Variants in RAP1GAP2 observed in about 807,000 individuals in gnomAD.
RAP1GAP2 encodes the protein RAP1 GTPase activating protein 2.
Under a neutral mutation model 95.0 loss-of-function variants are expected in RAP1GAP2, and 27 were observed. The ratio of observed to expected loss-of-function variants is 0.28; its 90% CI spans 0.21 to 0.39. RAP1GAP2 has a LOEUF of 0.39. RAP1GAP2 is among the 10% of genes least tolerant of loss of function. RAP1GAP2 has a pLI of 1.00. For synonymous variants in RAP1GAP2, 373 were observed against 380.9 expected (o/e 0.98, Z 0.24); for missense variants, 771 against 970.0 (o/e 0.79, Z 2.72).
In RAP1GAP2 at chr17:3,030,997, C is replaced by A; in HGVS notation, c.2183C>A (p.Ala728Glu). ...FDKLSHASSG[A>E]GH Reference sequence around the variant, plus strand: ...AAGCTCAGCCATGCCAGCTCTGGTGCGGTAAGGATGCGCCTCCCACACCCC... The same window carrying A: ...AAGCTCAGCCATGCCAGCTCTGGTGAGGTAAGGATGCGCCTCCCACACCCC... Residue 728 changes from alanine (A) to glutamate (E), a missense_variant and splice_region_variant, in exon 23 of 25, where the codon GCG becomes GAG. Coordinates refer to ENST00000254695, the MANE Select transcript of RAP1GAP2 (RefSeq NM_015085.5). The A allele has an allele frequency of 6.2e-7, 1 of 1,602,422 alleles. No homozygotes were observed. The highest frequency in any genetic ancestry group is 8.5e-7 in the Non-Finnish European group (1 of 1,173,956).
At position 2,771,884 on chromosome 17, in the gene RAP1GAP2, T is replaced by C. The variant is rs550821678; in HGVS notation, c.167+1439T>C. Among the ~76,000 whole-genome samples the C allele has an allele frequency of 2.0e-5, 3 of 152,288 alleles. No individual in the cohort carries two copies. In the South Asian group the frequency reaches 6.2e-4, roughly 32 times the overall value. ...TCATTGAGATAAGTGACTGAATTCA[T>C]TTTTGTGATAGAATATTAATTTTTT... On this transcript the variant is annotated intron_variant, in intron 2 of 25. Transcript: ENST00000637138.
chr17:2,768,553 A>G (rs1016004678), intron 1 of RAP1GAP2, among the ~76,000 whole-genome samples: 1 of 151,910 alleles, frequency 6.6e-6, no homozygotes, highest in African/African-American at 2.4e-5. Flanking sequence ...TTAGCTGGGC[A>G]TGGTGGTGGG....
chr17:2,800,080 G>A, intron 1 of RAP1GAP2: 3 of 615,370 alleles, frequency 4.9e-6, no homozygotes, highest in Non-Finnish European at 6.1e-6. Context: ...CAGACGCCTG[G>A]GAAATATGGA....
At chr17:2,755,658 C>T (rs182144422), upstream of RAP1GAP2, 4,180 of 258,988 alleles carry the variant, frequency 0.016, 148 homozygotes, top group African/African-American at 0.091. Flanking sequence ...CACCCGCCTG[C>T]GGCAGCCGAG....
intron 1 of RAP1GAP2, chr17:2,800,181 G>A: frequency 1.0e-6 from 1 of 985,386 alleles, no homozygotes; most frequent in Non-Finnish European, 1.2e-6. Context: ...TAAAGGGAGA[G>A]GCTGCATACA....
intron 11 of RAP1GAP2, among the ~76,000 whole-genome samples, chr17:2,989,045 T>C (rs1325541212): frequency 1.3e-5 from 2 of 151,264 alleles, no homozygotes; most frequent in Non-Finnish European, 2.9e-5. Flanking sequence ...GGTGACAGAG[T>C]GAGACTCCAT....
At chr17:2,854,378 C>T (rs1241866617) in intron 2 of RAP1GAP2, among the ~76,000 whole-genome samples, 1 of 152,226 alleles carries the variant, frequency 6.6e-6, no homozygotes, top group Non-Finnish European at 1.5e-5. Flanking sequence ...CCCCCAGACC[C>T]TTTGCAGACC....
At chr17:2,915,993 C>T (rs1399788716) in intron 3 of RAP1GAP2, among the ~76,000 whole-genome samples, 1 of 152,168 alleles carries the variant, frequency 6.6e-6, no homozygotes, top group Non-Finnish European at 1.5e-5. Context: ...AGCCACTGCG[C>T]CCGGCTAGAA....
At chr17:2,952,589 C>T (rs989020766) in intron 3 of RAP1GAP2, among the ~76,000 whole-genome samples, 5 of 152,194 alleles carry the variant, frequency 3.3e-5, no homozygotes, top group Admixed American at 2.6e-4. Context: ...CCGGGGCCTG[C>T]AGACTGGACA....
chr17:2,957,999 G>C (rs747990196), intron 4 of RAP1GAP2, among the ~76,000 whole-genome samples: 3 of 152,170 alleles, frequency 2.0e-5, no homozygotes, highest in Non-Finnish European at 4.4e-5. Flanking sequence ...CCTGCGGAGG[G>C]ACAGGGAGGA....
chr17:2,828,726 C>T (rs2070699688), intron 2 of RAP1GAP2, among the ~76,000 whole-genome samples: 1 of 152,286 alleles, frequency 6.6e-6, no homozygotes, highest in South Asian at 2.1e-4. Context: ...TCTACCTCCA[C>T]CCTCTGGGGA....
chr17:3,007,254 C>T (rs188368981), intron 16 of RAP1GAP2, among the ~76,000 whole-genome samples: 44 of 152,130 alleles, frequency 2.9e-4, no homozygotes, highest in Admixed American at 1.6e-3. Flanking sequence ...GCTGGTAAAG[C>T]GCTTAGGCAG....
At chr17:2,913,476 A>T (rs771623719) in intron 3 of RAP1GAP2, among the ~76,000 whole-genome samples, 2 of 152,054 alleles carry the variant, frequency 1.3e-5, no homozygotes, top group Non-Finnish European at 2.9e-5. Context: ...TTTAGTAGAG[A>T]TGGGGTTTCA....
upstream of RAP1GAP2, among the ~76,000 whole-genome samples, chr17:2,776,213 G>C (rs943605045): frequency 1.3e-5 from 2 of 152,146 alleles, no homozygotes; most frequent in Non-Finnish European, 2.9e-5. Flanking sequence ...AGGCAGCGGG[G>C]AGTTTCAGGG....
intron 2 of RAP1GAP2, among the ~76,000 whole-genome samples, chr17:2,868,444 C>T (rs983517331): frequency 3.3e-5 from 5 of 152,086 alleles, no homozygotes; most frequent in East Asian, 1.9e-4. Flanking sequence ...GTGTGAAATG[C>T]GACTAAGACT....
intron 3 of RAP1GAP2, among the ~76,000 whole-genome samples, chr17:2,939,981 C>T (rs1037819718): frequency 6.6e-6 from 1 of 152,268 alleles, no homozygotes; most frequent in African/African-American, 2.4e-5. Flanking sequence ...GCAGCCGCCG[C>T]CGTGGTGGTA....
chr17:2,889,371 G>A (rs1811774088), intron 2 of RAP1GAP2, among the ~76,000 whole-genome samples: 1 of 152,110 alleles, frequency 6.6e-6, no homozygotes, highest in Non-Finnish European at 1.5e-5. Flanking sequence ...GCCCTGTGCT[G>A]GGGCAGGCCA....
chr17:3,031,097 G>A (rs1420543766), intron 23 of RAP1GAP2, 99 bp downstream of exon 23: 12 of 1,305,028 alleles, frequency 9.2e-6, no homozygotes, highest in African/African-American at 1.5e-5. Context: ...CCCAGAGGGG[G>A]CTCCCCGAAG....
intron 2 of RAP1GAP2, among the ~76,000 whole-genome samples, chr17:2,895,146 G>A (rs759408019): frequency 3.9e-5 from 6 of 152,204 alleles, no homozygotes; most frequent in African/African-American, 7.2e-5. Flanking sequence ...GCACCTTTAC[G>A]TCACTACCAT....
Sources: allele counts gnomAD v4.1 joint callset (sites outside exome capture counted in the v4.1 genomes callset), GRCh38; gene constraint gnomAD v4.1.1; transcripts MANE v1.5; gene names NCBI Gene and HGNC (gene_info 2026-07-23, HGNC 2026-07-21).